Variants in PTPRD observed in about 807,000 individuals in gnomAD.
PTPRD encodes protein tyrosine phosphatase receptor type D.
Under a neutral mutation model 214.5 loss-of-function variants are expected in PTPRD, and 34 were observed. That is an observed-to-expected ratio of 0.16 (90% CI 0.12 to 0.21). The LOEUF (loss-of-function observed/expected upper bound fraction) is 0.21. Ranked by LOEUF, PTPRD falls within the 10% of genes least tolerant of loss-of-function variation. The pLI is 1.00. For synonymous variants in PTPRD, 1,128 were observed against 845.7 expected, an observed-to-expected ratio of 1.33 and a Z score of -5.79; for missense variants, 2,545 against 2,398.7, an observed-to-expected ratio of 1.06 and a Z score of -1.27.
At chr9:9,288,677 T>C (rs1950244499) in intron 9 of PTPRD, among the ~76,000 whole-genome samples, 1 of 151,932 alleles carries the variant, frequency 6.6e-6, no homozygotes, top group African/African-American at 2.4e-5. Context: ...GTTAAATACA[T>C]GCTTTGTTTT....
intron 3 of PTPRD, among the ~76,000 whole-genome samples, chr9:10,237,743 T>C (rs1352969907): frequency 3.3e-5 from 5 of 151,838 alleles, no homozygotes; most frequent in Non-Finnish European, 7.4e-5. Flanking sequence ...ATCCAGAAGA[T>C]AGTGAAGAGA....
At chr9:9,394,901 C>G (rs2067200970) in intron 9 of PTPRD, among the ~76,000 whole-genome samples, 1 of 151,970 alleles carries the variant, frequency 6.6e-6, no homozygotes, top group Admixed American at 6.6e-5. Context: ...ACAATTGCAC[C>G]AAAGATCATG....
At chr9:9,277,648 T>C (rs1281454660) in intron 9 of PTPRD, among the ~76,000 whole-genome samples, 1 of 151,230 alleles carries the variant, frequency 6.6e-6, no homozygotes, top group Non-Finnish European at 1.5e-5. Flanking sequence ...CTATGGAAAA[T>C]GATGGGTAGT....
intron 18 of PTPRD, 152 bp downstream of exon 18, chr9:8,524,773 T>A (rs761948726): frequency 1.3e-6 from 1 of 774,404 alleles, no homozygotes; most frequent in Non-Finnish European, 2.3e-6. Context: ...CATTTTAAAT[T>A]TTTAACTTTT....
chr9:9,251,316 A>G (rs995328704), intron 9 of PTPRD, among the ~76,000 whole-genome samples: 1 of 152,076 alleles, frequency 6.6e-6, no homozygotes, highest in African/African-American at 2.4e-5. Flanking sequence ...AACAGGATAA[A>G]GTTCAAATTC....
chr9:9,344,301 G>A (rs145770475), intron 9 of PTPRD, among the ~76,000 whole-genome samples: 9 of 152,030 alleles, frequency 5.9e-5, no homozygotes, highest in African/African-American at 1.9e-4. Flanking sequence ...CACAGGGAGG[G>A]GGCATCACAC....
chr9:9,224,263 T>C (rs546481092), intron 9 of PTPRD, among the ~76,000 whole-genome samples: 1 of 152,104 alleles, frequency 6.6e-6, no homozygotes, highest in South Asian at 2.1e-4. Context: ...TTATTTTAGA[T>C]AAGTTTCAGA....
chr9:10,064,196 C>T (rs2097834714), intron 3 of PTPRD, among the ~76,000 whole-genome samples: 1 of 151,564 alleles, frequency 6.6e-6, no homozygotes, highest in Non-Finnish European at 1.5e-5. Context: ...TTCTGTATAC[C>T]TCAAGTTAGC....
chr9:8,655,453 C>T (rs889745545), intron 12 of PTPRD, among the ~76,000 whole-genome samples: 1 of 152,076 alleles, frequency 6.6e-6, no homozygotes, highest in African/African-American at 2.4e-5. Context: ...GTCCTTCACC[C>T]CTGAATAATA....
intron 12 of PTPRD, among the ~76,000 whole-genome samples, chr9:8,712,619 G>C (rs949458011): frequency 6.6e-6 from 1 of 151,582 alleles, no homozygotes; most frequent in Non-Finnish European, 1.5e-5. Flanking sequence ...TCCAGCAGGG[G>C]ATAATTTATC....
intron 10 of PTPRD, among the ~76,000 whole-genome samples, chr9:9,181,724 T>A (rs1335042804): frequency 6.6e-6 from 1 of 151,998 alleles, no homozygotes; most frequent in Non-Finnish European, 1.5e-5. Context: ...ATCTATGAAA[T>A]TTGCTCCTTA....
intron 14 of PTPRD, among the ~76,000 whole-genome samples, chr9:8,565,190 G>C (rs538512379): frequency 1.3e-5 from 2 of 152,184 alleles, no homozygotes; most frequent in East Asian, 3.9e-4. Flanking sequence ...CAGGAACAGG[G>C]AGGAAGTGTG....
intron 8 of PTPRD, among the ~76,000 whole-genome samples, chr9:9,473,538 C>G (rs769573397): frequency 6.6e-6 from 1 of 152,036 alleles, no homozygotes; most frequent in Non-Finnish European, 1.5e-5. Flanking sequence ...TTTTAGTTAT[C>G]TAAGAAACCC....
intron 11 of PTPRD, chr9:8,857,619 G>C (rs950201941): frequency 2.6e-5 from 4 of 153,670 alleles, no homozygotes; most frequent in Admixed American, 1.3e-4. Context: ...GGCGGACGGG[G>C]TCAGTTCCAG....
chr9:8,749,000 T>C (rs551508331), intron 11 of PTPRD, among the ~76,000 whole-genome samples: 9 of 135,950 alleles, frequency 6.6e-5, no homozygotes, highest in Admixed American at 2.1e-4. Context: ...TCAACACACA[T>C]GTGAAAATAT....
At chr9:10,430,833 C>T (rs946874875) in intron 2 of PTPRD, among the ~76,000 whole-genome samples, 1 of 151,812 alleles carries the variant, frequency 6.6e-6, no homozygotes, top group South Asian at 2.1e-4. Flanking sequence ...CCATCATACC[C>T]CTTTTTTATC....
intron 35 of PTPRD, among the ~76,000 whole-genome samples, chr9:8,426,937 C>T (rs1256996223): frequency 2.6e-5 from 4 of 151,862 alleles, no homozygotes; most frequent in Non-Finnish European, 5.9e-5. Flanking sequence ...AGACTATAAG[C>T]GCATAGACAT....
At chr9:8,883,039 G>T (rs2098459731) in intron 11 of PTPRD, among the ~76,000 whole-genome samples, 1 of 152,022 alleles carries the variant, frequency 6.6e-6, no homozygotes, top group African/African-American at 2.4e-5. Flanking sequence ...CCCCCACAGT[G>T]AATACTGGTC....
chr9:9,081,571 A>T (rs902942069), intron 10 of PTPRD, among the ~76,000 whole-genome samples: 4 of 152,032 alleles, frequency 2.6e-5, no homozygotes, highest in Admixed American at 6.6e-5. Context: ...TGTCTCGTTG[A>T]TCTATCTAAT....
Sources: allele counts gnomAD v4.1 joint callset (sites outside exome capture counted in the v4.1 genomes callset), GRCh38; gene constraint gnomAD v4.1.1; transcripts MANE v1.5; gene names NCBI Gene and HGNC (gene_info 2026-07-23, HGNC 2026-07-21).